The following PITPNM2 variants were observed in gnomAD, a reference collection of about 807,000 sequenced individuals.
PITPNM2 encodes the protein membrane-associated phosphatidylinositol transfer protein 2.
A neutral mutation model predicts 132.2 loss-of-function variants in PITPNM2; 35 were observed. That is an observed-to-expected ratio of 0.26 (90% CI 0.20 to 0.35). PITPNM2 has a LOEUF of 0.35. Among genes scored for constraint, PITPNM2 ranks in the 10% least tolerant of loss-of-function variants. The pLI is 1.00. For missense variants in PITPNM2, 1,332 were observed against 1,912.0 expected (o/e 0.70, Z 5.66); for synonymous variants, 738 against 799.2 (o/e 0.92, Z 1.29).
chr12:123,043,486 G>A (rs550037992), intron 2 of PITPNM2, among the ~76,000 whole-genome samples: 1 of 152,300 alleles, frequency 6.6e-6, no homozygotes, highest in Non-Finnish European at 1.5e-5. Flanking sequence ...GAGCTTTAAA[G>A]CCCTGGGCAC....
rs371056712 is a variant in PITPNM2, at chr12:122,995,494, C to T, written c.1949G>A (p.Arg650His). ...HLSRSNVDIP[R>H]SNGTEDPKRQ... is the part of the protein sequence containing the mutation. ...TTTGGGGTCCTCAGTGCCGTTGCTG[C>T]GGGGGATGTCGACGTTGCTTCGGCT... is the stretch of plus-strand genomic sequence containing the variant. The change falls in exon 14 of 26, where the codon CGC becomes CAC. Residue 650 changes from arginine (R) to histidine (H), a missense_variant. Arg to His is a conservative substitution (Grantham distance 29). This residue lies in a region of PITPNM2 where 710 missense variants were observed against 911.5 expected (regional missense o/e 0.78). Transcript: ENST00000320201. The T allele has an allele frequency of 1.0e-4, 167 of 1,613,700 alleles. No homozygotes were observed. The highest frequency in any genetic ancestry group is 3.8e-4 in the Admixed American group (23 of 60,012).
At position 122,989,863 on chromosome 12, in the gene PITPNM2, G is replaced by A. The variant is rs779522398; in HGVS notation, c.2655C>T (p.Gly885=). Residue 885 remains glycine, a synonymous_variant, in exon 18 of 26, where the codon GGC becomes GGT. Transcript: ENST00000320201. Reference sequence around the variant, plus strand: ...TTGCCTTCCTGGCTGGAGGGTGGGGGCCAGGGGTGGTGGGGCTGGGGGCGG... The same window carrying A: ...TTGCCTTCCTGGCTGGAGGGTGGGGACCAGGGGTGGTGGGGCTGGGGGCGG... The part of the protein sequence containing the change: ...ALPAPSPTTP[G]PHPPARKASP... 2.8e-6 allele frequency: 3 copies of A among 1,089,830 alleles called. No individual in the cohort carries two copies. Among genetic ancestry groups the A allele is most frequent in the Admixed American group, 3.2e-5 (1 of 31,708 alleles). The allele number at this position is 1,089,830 out of a possible 1,614,324, so 67.5% of individuals were successfully genotyped here. A position where few individuals can be genotyped will look rare whatever the true frequency, so the allele number is the denominator to read the frequency against.
chr12:122,988,837 A>G lies in PITPNM2; in HGVS notation c.2767T>C (p.Tyr923His). ...AGGGCGTCAGGGCAGTACAGGGCGTAGTCGATCCGCTTCTGGCCCCACCAC... is the reference window on the plus strand; with the variant it reads ...AGGGCGTCAGGGCAGTACAGGGCGTGGTCGATCCGCTTCTGGCCCCACCAC... ...AKWWGQKRIDYALYCPDALTA... is the reference protein window; with the variant it reads ...AKWWGQKRIDHALYCPDALTA... Residue 923 changes from tyrosine to histidine, a missense_variant, in exon 19 of 26, where the codon TAC becomes CAC. Around this residue, in one of 6 missense-constraint regions of PITPNM2, gnomAD observed 251 missense variants for 472.0 expected, o/e 0.53. Transcript: ENST00000320201. 1 of 1,579,440 alleles carries G rather than the reference A, an allele frequency of 6.3e-7. No individual in the cohort carries two copies. Among genetic ancestry groups the G allele is most frequent in the Non-Finnish European group, 8.6e-7 (1 of 1,162,668 alleles).
intron 2 of PITPNM2, among the ~76,000 whole-genome samples, chr12:123,068,194 A>ATGGCCGGGCG (rs1555294139): frequency 7.9e-5 from 12 of 151,630 alleles, no homozygotes; most frequent in Admixed American, 2.0e-4. Flanking sequence ...ACGGCCGGGC[A>ATGGCCGGGCG]CGGTGGCTCA....
At chr12:123,096,779 A>C (rs1475943129) in intron 2 of PITPNM2, among the ~76,000 whole-genome samples, 1 of 152,220 alleles carries the variant, frequency 6.6e-6, no homozygotes, top group Admixed American at 6.5e-5. Flanking sequence ...GCAGGGCAGA[A>C]GCAGAAAAAA....
intron 2 of PITPNM2, among the ~76,000 whole-genome samples, chr12:123,068,338 CT>C (rs2041506371): frequency 6.6e-6 from 1 of 152,018 alleles, no homozygotes. Context: ...GAGGTGGCTA[CT>C]TGGGAGGCTG....
chr12:123,094,719 G>A (rs982000453), intron 2 of PITPNM2, among the ~76,000 whole-genome samples: 1 of 152,168 alleles, frequency 6.6e-6, no homozygotes, highest in African/African-American at 2.4e-5. Flanking sequence ...CAGTGGGGTG[G>A]GGTCCCTCCA....
intron 6 of PITPNM2, among the ~76,000 whole-genome samples, chr12:123,006,585 T>C (rs1406090870): frequency 6.7e-6 from 1 of 149,622 alleles, no homozygotes; most frequent in African/African-American, 2.5e-5. Context: ...TGGTGGTGTG[T>C]GTCTGTGGTC....
intron 17 of PITPNM2, 46 bp downstream of exon 17, chr12:122,990,499 A>G (rs750447768): frequency 6.2e-7 from 1 of 1,605,028 alleles, no homozygotes; most frequent in Non-Finnish European, 8.5e-7. Context: ...CTGTGGGCAC[A>G]ATGGCCCTGG....
At chr12:123,145,940 GTA>G (rs915307399) in intron 1 of PITPNM2, among the ~76,000 whole-genome samples, 1 of 152,092 alleles carries the variant, frequency 6.6e-6, no homozygotes, top group Non-Finnish European at 1.5e-5. Flanking sequence ...AGAAAATGTG[GTA>G]TATATACACA....
intron 18 of PITPNM2, 113 bp from the exon 19 acceptor site, chr12:122,988,985 T>G (rs1212348081): frequency 1.7e-6 from 2 of 1,197,892 alleles, no homozygotes; most frequent in Non-Finnish European, 2.2e-6. Context: ...CCACCAGCTA[T>G]AGCCAAAAGT....
chr12:123,029,924 C>T (rs1346047973), intron 3 of PITPNM2, among the ~76,000 whole-genome samples: 1 of 148,978 alleles, frequency 6.7e-6, no homozygotes, highest in East Asian at 2.0e-4. Context: ...GAGCCAGAAA[C>T]TGGGAAAACA....
At chr12:123,141,045 A>AT (rs766959709) in intron 1 of PITPNM2, among the ~76,000 whole-genome samples, 1 of 152,250 alleles carries the variant, frequency 6.6e-6, no homozygotes, top group East Asian at 1.9e-4. Context: ...ATACTGATGG[A>AT]TTTTTTAAAA....
intron 2 of PITPNM2, among the ~76,000 whole-genome samples, chr12:123,042,700 C>G (rs2040534165): frequency 6.6e-6 from 1 of 152,188 alleles, no homozygotes. Context: ...TCTAAGAGAG[C>G]TTCCTTCTGC....
upstream of PITPNM2, among the ~76,000 whole-genome samples, chr12:123,151,482 G>A (rs1258605557): frequency 6.6e-6 from 1 of 152,178 alleles, no homozygotes; most frequent in African/African-American, 2.4e-5. Flanking sequence ...GAGCGAAATG[G>A]TAAACCAGGG....
chr12:123,009,727 A>T lies in PITPNM2; in HGVS notation c.643+123T>A. 1 of 961,184 alleles carries T rather than the reference A, an allele frequency of 1.0e-6. No homozygotes were observed. Among genetic ancestry groups the T allele is most frequent in the Non-Finnish European group, 1.6e-6 (1 of 622,520 alleles). 59.5% of individuals were successfully genotyped at this position (961,184 alleles called of 1,614,324 possible). ...ACATGGGCTTTGGTGTCACCTTCCC[A>T]GAACAAAACAGAAACGCAGACTCCC... On this transcript the variant is annotated intron_variant, in intron 6 of 25. Transcript: ENST00000320201. This position sits in a 1 kb window ranked among gnomAD's most constrained non-coding sequence, Gnocchi z 4.8.
chr12:122,990,685 G>A lies in PITPNM2; in HGVS notation c.2429C>T (p.Ala810Val), dbSNP rs771823324. The A allele has an allele frequency of 6.2e-7, 1 of 1,610,662 alleles. No homozygotes were observed. The highest frequency in any genetic ancestry group is 8.5e-7 in the Non-Finnish European group (1 of 1,179,258). The change falls in exon 17 of 26, where the codon GCA becomes GTA. Residue 810 changes from alanine to valine, a missense_variant. By Grantham distance (64) the Ala-to-Val change is moderately conservative. Coordinates refer to ENST00000320201, the MANE Select transcript of PITPNM2 (RefSeq NM_020845.3). ...LLADVLQTHN[A>V]AFQEHGAPSS... ...GGGGGCGCCATGCTCTTGGAAGGCT[G>A]CATTGTGGGTCTGGAGCACATCCGC...
In PITPNM2 at chr12:122,995,370, G is replaced by GCC. The variant is rs1273679696; in HGVS notation, c.2054+17_2054+18dup. ...TTCCCACACCCAGAGGCAAGCCCCA[G>GCC]CCCCCCAGCCCTGCCCACCTGGACA... On this transcript the variant is annotated intron_variant, in intron 14 of 25. Transcript: ENST00000320201. 6.4e-7 allele frequency: 1 copy of GCC among 1,566,994 alleles called. No individual in the cohort carries two copies.
At position 123,099,605 on chromosome 12, in the gene PITPNM2, T is replaced by A. The variant is rs1161837622; in HGVS notation, c.-96+10780A>T. On this transcript the variant is annotated intron_variant, in intron 2 of 25. Coordinates refer to ENST00000320201, the MANE Select transcript of PITPNM2 (RefSeq NM_020845.3). This position sits in a 1 kb window ranked among gnomAD's most constrained non-coding sequence, Gnocchi z 4.2. The stretch of plus-strand genomic sequence containing the variant: ...TGCAGAGGAAAACTAGGCATGTAGC[T>A]AAGGGCTGGGTTAACCTTCTCTGTG... Among the ~76,000 whole-genome samples the A allele has an allele frequency of 1.3e-5, 2 of 152,122 alleles. No individual in the cohort carries two copies. The highest frequency in any genetic ancestry group is 4.8e-5 in the African/African-American group (2 of 41,424).
Sources: gnomAD v4.1 joint callset for allele counts (sites outside exome capture counted in the v4.1 genomes callset) on GRCh38, gnomAD v4.1.1 for gene constraint, gnomAD v4.1.1 regional missense constraint, Gnocchi (gnomAD v3.1) non-coding constraint, MANE v1.5 for transcripts, NCBI Gene and HGNC (gene_info 2026-07-23, HGNC 2026-07-21) for gene names.